Variants in PPP2R2B observed in about 807,000 individuals in gnomAD.
The protein encoded by PPP2R2B is protein phosphatase 2 regulatory subunit Bbeta.
PPP2R2B carries 5 observed loss-of-function variants against 46.0 expected under a neutral mutation model. That is an observed-to-expected ratio of 0.11 (90% CI 0.06 to 0.23). The LOEUF (loss-of-function observed/expected upper bound fraction) is 0.23. Among genes scored for constraint, PPP2R2B ranks in the 10% least tolerant of loss-of-function variants. PPP2R2B has a pLI of 1.00. For missense variants in PPP2R2B, 367 were observed against 575.0 expected (o/e 0.64, Z 3.70); for synonymous variants, 215 against 206.7 (o/e 1.04, Z -0.34).
At chr5:146,653,873 G>A (rs1169941055) in intron 5 of PPP2R2B, among the ~76,000 whole-genome samples, 2 of 152,098 alleles carry the variant, frequency 1.3e-5, no homozygotes, top group Admixed American at 1.3e-4. Flanking sequence ...AATGCCGCTC[G>A]TGGTATTCCA....
intron 4 of PPP2R2B, among the ~76,000 whole-genome samples, chr5:146,697,298 G>A (rs1232911647): frequency 6.6e-6 from 1 of 152,104 alleles, no homozygotes; most frequent in African/African-American, 2.4e-5. Context: ...TTTTAGCAAG[G>A]ATTTAAGAAC....
At chr5:147,037,103 C>T (rs759484134) in intron 1 of PPP2R2B, among the ~76,000 whole-genome samples, 7 of 151,964 alleles carry the variant, frequency 4.6e-5, no homozygotes, top group East Asian at 3.9e-4. Flanking sequence ...GGCAGTCTAA[C>T]GAGAGTTTAA....
rs184779921 is a variant in PPP2R2B at position 146,692,786 on chromosome 5, G to A, written c.335-1546C>T. On this transcript the variant is annotated intron_variant, in intron 4 of 9. Coordinates refer to ENST00000394411, the MANE Select transcript of PPP2R2B (RefSeq NM_181675.4). ...CCTGACCTCTTGATCCGCCTGCCTC[G>A]GTCTCCCAAAGTGCTGGGATTACAG... is the stretch of plus-strand genomic sequence containing the variant. Among the ~76,000 whole-genome samples, 13 of 151,836 alleles carry A rather than the reference G, an allele frequency of 8.6e-5. No homozygotes were observed. The East Asian group carries it at 1.2e-3, about 14-fold the overall frequency.
At chr5:147,027,811 T>A (rs573862794) in intron 1 of PPP2R2B, among the ~76,000 whole-genome samples, 25 of 152,334 alleles carry the variant, frequency 1.6e-4, no homozygotes, top group South Asian at 1.2e-3. Context: ...TGCATTTTAT[T>A]GCATATAAAT....
intron 1 of PPP2R2B, among the ~76,000 whole-genome samples, chr5:147,048,332 G>T (rs934150199): frequency 7.2e-5 from 11 of 152,136 alleles, no homozygotes; most frequent in Admixed American, 7.2e-4. Context: ...TGGCTGGGTG[G>T]TTTTCAATAG....
chr5:146,962,927 C>T (rs1752240128), intron 1 of PPP2R2B, among the ~76,000 whole-genome samples: 1 of 152,130 alleles, frequency 6.6e-6, no homozygotes, highest in African/African-American at 2.4e-5. Flanking sequence ...AACAAAGGCC[C>T]AGTGGACTGA....
chr5:146,811,066 C>T (rs377586538), intron 2 of PPP2R2B, among the ~76,000 whole-genome samples: 49 of 152,214 alleles, frequency 3.2e-4, no homozygotes, highest in African/African-American at 1.1e-3. Flanking sequence ...TGCAATGGTG[C>T]GATCTCAGCT....
chr5:147,059,569 C>T (rs1161962542), upstream of PPP2R2B, among the ~76,000 whole-genome samples: 1 of 152,104 alleles, frequency 6.6e-6, no homozygotes. Flanking sequence ...GAAAGGGAAA[C>T]CAGCAGCCTC....
chr5:146,832,011 A>C (rs1758971677), intron 2 of PPP2R2B, among the ~76,000 whole-genome samples: 1 of 152,252 alleles, frequency 6.6e-6, no homozygotes, highest in Admixed American at 6.5e-5. Flanking sequence ...TTAACAAACA[A>C]GTTTAAAAAG....
chr5:146,836,194 A>G (rs1582227459), intron 2 of PPP2R2B, among the ~76,000 whole-genome samples: 1 of 152,272 alleles, frequency 6.6e-6, no homozygotes, highest in African/African-American at 2.4e-5. Flanking sequence ...CAAATTTATT[A>G]TAGTTGGTAT....
intron 2 of PPP2R2B, among the ~76,000 whole-genome samples, chr5:147,076,205 T>A (rs1351156568): frequency 6.6e-6 from 1 of 152,100 alleles, no homozygotes; most frequent in Admixed American, 6.6e-5. Context: ...TCTAGGTAAA[T>A]AAACTAGGGT....
chr5:146,804,773 A>G (rs948424738), intron 2 of PPP2R2B, among the ~76,000 whole-genome samples: 1 of 152,188 alleles, frequency 6.6e-6, no homozygotes, highest in Admixed American at 6.6e-5. Context: ...ATATGTGCCA[A>G]TGGCCTTGAA....
In PPP2R2B at chr5:146,691,146, G is replaced by T. The variant is rs1378202068; in HGVS notation, c.429C>A (p.Ala143=). 1 of 1,614,062 alleles carries T rather than the reference G, an allele frequency of 6.2e-7. No homozygotes were observed. The highest frequency in any genetic ancestry group is 1.3e-5 in the African/African-American group (1 of 75,048). The change falls in exon 5 of 10, where the codon GCC becomes GCA. Residue 143 remains alanine (A), a synonymous_variant. Coordinates refer to ENST00000394411, the MANE Select transcript of PPP2R2B (RefSeq NM_181675.4). ...CACTCACCCGCAGGGTTGTGATGGT[G>T]GCAGGATCCCGGAGCCGGCCCTCCT... ...KDEEGRLRDP[A]TITTLRVPVL...
intron 1 of PPP2R2B, among the ~76,000 whole-genome samples, chr5:146,904,816 T>C (rs1259215346): frequency 6.6e-6 from 1 of 152,112 alleles, no homozygotes; most frequent in East Asian, 1.9e-4. Flanking sequence ...ACACCACATT[T>C]AACAGCAGCA....
At chr5:146,943,595 A>G (rs1764390839) in intron 1 of PPP2R2B, among the ~76,000 whole-genome samples, 1 of 152,154 alleles carries the variant, frequency 6.6e-6, no homozygotes, top group Admixed American at 6.5e-5. Context: ...GATTATCAGT[A>G]GTTGAAATTA....
chr5:146,929,680 C>G (rs1582446863), intron 1 of PPP2R2B, among the ~76,000 whole-genome samples: 1 of 151,952 alleles, frequency 6.6e-6, no homozygotes, highest in East Asian at 1.9e-4. Context: ...TCAACACAAG[C>G]TCAAACTTCA....
chr5:146,813,190 G>C (rs1317850914), intron 2 of PPP2R2B, among the ~76,000 whole-genome samples: 1 of 151,426 alleles, frequency 6.6e-6, no homozygotes, highest in Non-Finnish European at 1.5e-5. Context: ...GCAGTGCCTA[G>C]TGCATAGGAA....
chr5:146,787,813 C>T (rs774845121), intron 2 of PPP2R2B, among the ~76,000 whole-genome samples: 4 of 152,138 alleles, frequency 2.6e-5, no homozygotes, highest in Non-Finnish European at 5.9e-5. Flanking sequence ...GGTGATCCAC[C>T]CACCTCGGAC....
At chr5:146,603,550 A>G (rs1771979788) in intron 7 of PPP2R2B, among the ~76,000 whole-genome samples, 1 of 152,226 alleles carries the variant, frequency 6.6e-6, no homozygotes, top group African/African-American at 2.4e-5. Context: ...GGCTTTAGGT[A>G]GCACACAGAG....
Sources: gnomAD v4.1 joint callset for allele counts (sites outside exome capture counted in the v4.1 genomes callset) on GRCh38, gnomAD v4.1.1 for gene constraint, MANE v1.5 for transcripts, NCBI Gene and HGNC (gene_info 2026-07-23, HGNC 2026-07-21) for gene names.